SGMS2: variants seen among roughly 807,000 people sequenced by gnomAD.
The protein encoded by SGMS2 is phosphatidylcholine:ceramide cholinephosphotransferase 2.
SGMS2 carries 21 observed loss-of-function variants against 43.8 expected under a neutral mutation model. The observed-to-expected ratio is 0.48, with a 90% CI of 0.34 to 0.69. The LOEUF (loss-of-function observed/expected upper bound fraction) is 0.69, where lower values mean the gene tolerates loss of function less well. SGMS2 is among the 30% of genes least tolerant of loss of function. The probability of loss-of-function intolerance (pLI) is 0.01; values close to 1 mark genes in which losing one functional copy is unlikely to be tolerated. For missense variants in SGMS2, 384 were observed against 443.2 expected, an observed-to-expected ratio of 0.87 and a Z score of 1.20; for synonymous variants, 167 against 160.6, an observed-to-expected ratio of 1.04 and a Z score of -0.30.
chr4:107,887,252 T>C (rs1729832277), intron 2 of SGMS2, among the ~76,000 whole-genome samples: 2 of 152,136 alleles, frequency 1.3e-5, no homozygotes, highest in African/African-American at 4.8e-5. Flanking sequence ...TTATAGCTGA[T>C]TATAAAACCA....
chr4:107,884,502 G>C (rs974213927), intron 2 of SGMS2, among the ~76,000 whole-genome samples: 5 of 14,488 alleles, frequency 3.5e-4, no homozygotes, highest in African/African-American at 1.9e-3. Flanking sequence ...TTAAACAAAG[G>C]GGGGGGAAAT....
chr4:107,876,502 C>T (rs1243050448), intron 2 of SGMS2, among the ~76,000 whole-genome samples: 1 of 152,154 alleles, frequency 6.6e-6, no homozygotes, highest in East Asian at 1.9e-4. Context: ...TAGTAAACAG[C>T]AAGCAATGTT....
chr4:107,882,056 T>C lies in SGMS2; in HGVS notation c.-244-13254T>C, dbSNP rs534544853. Reference sequence around the variant, plus strand: ...TCCAAATCTTGCCTATTGTGAATAATGTTGCAATAAACATGGGAGTGCAGA... The same window carrying C: ...TCCAAATCTTGCCTATTGTGAATAACGTTGCAATAAACATGGGAGTGCAGA... On this transcript the variant is annotated intron_variant, in intron 2 of 6. Coordinates refer to ENST00000690982, the MANE Select transcript of SGMS2 (RefSeq NM_001375905.1). 3.3e-5 allele frequency among the ~76,000 whole-genome samples: 5 copies of C among 152,330 alleles called. No individual in the cohort carries two copies. In the South Asian group the frequency reaches 1.0e-3, roughly 32 times the overall value.
intron 1 of SGMS2, among the ~76,000 whole-genome samples, chr4:107,852,455 T>C (rs1179485201): frequency 3.9e-5 from 6 of 152,202 alleles, no homozygotes; most frequent in Non-Finnish European, 8.8e-5. Context: ...AACTCATGTT[T>C]ATTTTAGGAA....
intron 2 of SGMS2, chr4:107,874,160 T>C (rs1479893767): frequency 6.6e-6 from 1 of 152,188 alleles, no homozygotes; most frequent in Non-Finnish European, 1.5e-5. Context: ...GGCAGTTCAC[T>C]AGGGATCACA....
chr4:107,880,646 A>G (rs564602186), intron 2 of SGMS2, among the ~76,000 whole-genome samples: 31 of 152,118 alleles, frequency 2.0e-4, no homozygotes, highest in Non-Finnish European at 4.4e-4. Flanking sequence ...ACTTGAGGCC[A>G]GAGGTTCGAG....
chr4:107,899,763 C>A, intron 4 of SGMS2, 71 bp downstream of exon 4: 2 of 1,023,792 alleles, frequency 2.0e-6, no homozygotes, highest in Non-Finnish European at 1.5e-6. Flanking sequence ...CTGTATTATA[C>A]ATTCTTCTAG....
intron 2 of SGMS2, among the ~76,000 whole-genome samples, chr4:107,884,410 G>A (rs1374758577): frequency 1.3e-5 from 2 of 151,974 alleles, no homozygotes; most frequent in Non-Finnish European, 2.9e-5. Context: ...ACCCATCTAG[G>A]AACAAACCAT....
rs1560626355 is a variant in SGMS2, at chr4:107,831,149, AG to A, written c.-327+5898del. Among the ~76,000 whole-genome samples, 3 of 152,326 alleles carry A rather than the reference AG, an allele frequency of 2.0e-5. No individual in the cohort carries two copies. The East Asian group carries it at 5.8e-4, about 29-fold the overall frequency. On this transcript the variant is annotated intron_variant, in intron 1 of 6. Transcript: ENST00000690982. ...GGAAGTAGAGCAGGGAGTTGAGGCC[AG>A]GCCCAGCTGATTCTAATGCCATGCA...
intron 1 of SGMS2, among the ~76,000 whole-genome samples, chr4:107,841,890 A>G (rs569712778): frequency 6.6e-6 from 1 of 152,166 alleles, no homozygotes; most frequent in East Asian, 1.9e-4. Flanking sequence ...GGCTCAAGTA[A>G]TCCTCCTGCC....
In SGMS2 at chr4:107,895,826, C is replaced by T. The variant is rs528551489; in HGVS notation, c.273C>T (p.Val91=). The change falls in exon 3 of 7, where the codon GTC becomes GTT. Residue 91 remains valine (V), a synonymous_variant. Transcript: ENST00000690982. ...TCATATATGCAGTTTTCAACCTCGT[C>T]TTGACAACCGTCATGATCACAGTTG... The part of the protein sequence containing the change: ...IAFIYAVFNL[V]LTTVMITVVH... 33 of 1,614,008 alleles carry T rather than the reference C, an allele frequency of 2.0e-5. No individual in the cohort carries two copies. In the South Asian group the frequency reaches 3.6e-4, roughly 18 times the overall value.
chr4:107,831,504 G>T (rs994036212), intron 1 of SGMS2, among the ~76,000 whole-genome samples: 1 of 152,284 alleles, frequency 6.6e-6, no homozygotes, highest in Middle Eastern at 3.4e-3. Flanking sequence ...GGCTCCCTGT[G>T]TATAAAACAT....
At chr4:107,889,928 G>C (rs984254662) in intron 2 of SGMS2, among the ~76,000 whole-genome samples, 8 of 152,128 alleles carry the variant, frequency 5.3e-5, no homozygotes, top group African/African-American at 1.9e-4. Context: ...CTTTTAACCA[G>C]ATCTCTGAGC....
At chr4:107,897,138 C>G (rs1730738153) in intron 3 of SGMS2, among the ~76,000 whole-genome samples, 1 of 152,188 alleles carries the variant, frequency 6.6e-6, no homozygotes, top group South Asian at 2.1e-4. Flanking sequence ...GACCCTAACA[C>G]TGTTACTGTT....
intron 2 of SGMS2, among the ~76,000 whole-genome samples, chr4:107,862,458 G>A (rs1727790930): frequency 6.6e-6 from 1 of 152,142 alleles, no homozygotes; most frequent in Non-Finnish European, 1.5e-5. Flanking sequence ...ATTCTTTTAA[G>A]GATGACAAGT....
Position 107,910,651 on chromosome 4 carries a change from T to G in SGMS2, c.*98T>G. 3 of 1,213,700 alleles carry G rather than the reference T, an allele frequency of 2.5e-6. No homozygotes were observed. Among genetic ancestry groups the G allele is most frequent in the Non-Finnish European group, 3.4e-6 (3 of 877,168 alleles). The allele number at this position is 1,213,700 out of a possible 1,614,324, so 75.2% of individuals were successfully genotyped here. A position where few individuals can be genotyped will look rare whatever the true frequency, so the allele number is the denominator to read the frequency against. On this transcript the variant is annotated 3_prime_UTR_variant, in exon 7 of 7. Coordinates refer to ENST00000690982, the MANE Select transcript of SGMS2 (RefSeq NM_001375905.1). ...TATTTTAGGAGAACTGACTGGTAAA[T>G]GAAGAAATGGACCAAATTTTGTGTA...
intron 1 of SGMS2, among the ~76,000 whole-genome samples, chr4:107,844,384 A>G (rs1373675519): frequency 2.0e-5 from 3 of 150,868 alleles, no homozygotes; most frequent in Non-Finnish European, 4.4e-5. Flanking sequence ...TGGGCATGTA[A>G]CTAAAGTGTC....
At chr4:107,887,459 A>C (rs1729849241) in intron 2 of SGMS2, among the ~76,000 whole-genome samples, 1 of 152,232 alleles carries the variant, frequency 6.6e-6, no homozygotes, top group South Asian at 2.1e-4. Flanking sequence ...TTTAGAACAC[A>C]TACCAATAGC....
At chr4:107,873,794 A>G (rs1728717154) in intron 2 of SGMS2, among the ~76,000 whole-genome samples, 1 of 152,110 alleles carries the variant, frequency 6.6e-6, no homozygotes, top group African/African-American at 2.4e-5. Flanking sequence ...AGTTCCCACC[A>G]CAATTTGGAT....
Sources: allele counts gnomAD v4.1 joint callset (sites outside exome capture counted in the v4.1 genomes callset), GRCh38; gene constraint gnomAD v4.1.1; transcripts MANE v1.5; gene names NCBI Gene and HGNC (gene_info 2026-07-23, HGNC 2026-07-21).